Variants in SDR39U1 observed in about 807,000 individuals in gnomAD.
The protein encoded by SDR39U1 is epimerase family protein SDR39U1.
SDR39U1 carries 29 observed loss-of-function variants against 31.7 expected under a neutral mutation model. That is an observed-to-expected ratio of 0.92 (90% confidence interval 0.68 to 1.25). The LOEUF (loss-of-function observed/expected upper bound fraction) is 1.25. Ranked by LOEUF, SDR39U1 falls within the 50% of genes most tolerant of loss-of-function variation. The pLI, the probability that SDR39U1 is intolerant of heterozygous loss-of-function variation, is 0.00. For synonymous variants in SDR39U1, 147 were observed against 159.0 expected (o/e 0.92, Z 0.57); for missense variants, 403 against 378.4 (o/e 1.06, Z -0.54).
Position 24,440,299 on chromosome 14 carries a change from G to A in SDR39U1, c.666C>T (p.Ser222=), listed in dbSNP as rs768115773. Residue 222 remains serine, a synonymous_variant, in exon 6 of 6, where the codon TCC becomes TCT. Coordinates refer to ENST00000399395, the MANE Select transcript of SDR39U1 (RefSeq NM_020195.3). Reference sequence around the variant, plus strand: ...TCTGGGCAAACTCAGCATTAGTGGCGGAGGATGGAGCCACTCCATTCAGGA... The same window carrying A: ...TCTGGGCAAACTCAGCATTAGTGGCAGAGGATGGAGCCACTCCATTCAGGA... ...HGVLNGVAPS[S]ATNAEFAQTL... 1.3e-5 allele frequency: 21 copies of A among 1,613,948 alleles called. 1 individual carries two copies. The highest frequency in any genetic ancestry group is 5.5e-5 in the South Asian group (5 of 91,088).
At chr14:24,442,060 G>A (rs1355036593) in intron 3 of SDR39U1, 118 bp downstream of exon 3, 1 of 1,545,964 alleles carries the variant, frequency 6.5e-7, no homozygotes, top group Non-Finnish European at 8.7e-7. Context: ...GAGTAGTCTG[G>A]GATATCGGTT....
At chr14:24,441,060 T>C in intron 4 of SDR39U1, 134 bp from the exon 5 acceptor site, 1 of 1,012,044 alleles carries the variant, frequency 9.9e-7, no homozygotes, top group Non-Finnish European at 1.5e-6. Context: ...ATTTGGATAT[T>C]TTCCCCTTGA....
At chr14:24,441,329 T>C in intron 4 of SDR39U1, 1 of 449,152 alleles carries the variant, frequency 2.2e-6, no homozygotes, top group South Asian at 2.3e-5. Flanking sequence ...ATAATAAGCA[T>C]AAAACACTTC....
rs1239900873 is a variant in SDR39U1 at position 24,442,252 on chromosome 14, G to C, written c.132C>G (p.Leu44=). 2 of 1,609,678 alleles carry C rather than the reference G, an allele frequency of 1.2e-6. No individual in the cohort carries two copies. Among genetic ancestry groups the C allele is most frequent in the Non-Finnish European group, 1.7e-6 (2 of 1,178,346 alleles). The change falls in exon 3 of 6, where the codon CTC becomes CTG. Residue 44 remains leucine, a synonymous_variant. Transcript: ENST00000399395. ...PGPGRITWDE[L]AASGLPSCDA... is the part of the protein sequence containing the mutation. ...CGCAGCTCGGCAGCCCCGATGCAGC[G>C]AGCTCATCCTGTCGGAGAAAGCACA... is the stretch of plus-strand genomic sequence containing the variant.
In SDR39U1 at chr14:24,442,226, T is replaced by A. The variant is rs201052867; in HGVS notation, c.158A>T (p.Asp53Val). ...ELAASGLPSC[D>V]AAVNLAGENI... ...CTCTCCGGCCAGGTTGACGGCGGCA[T>A]CGCAGCTCGGCAGCCCCGATGCAGC... Residue 53 changes from aspartate (D) to valine (V), a missense_variant, in exon 3 of 6, where the codon GAT becomes GTT. Physicochemically the swap from Asp to Val is radical, Grantham distance 152. Coordinates refer to ENST00000399395, the MANE Select transcript of SDR39U1 (RefSeq NM_020195.3). 1.7e-4 allele frequency: 273 copies of A among 1,611,850 alleles called. No individual in the cohort carries two copies. Among genetic ancestry groups the A allele is most frequent in the Admixed American group, 2.0e-4 (12 of 59,800 alleles).
At chr14:24,441,028 C>A in intron 4 of SDR39U1, 102 bp from the exon 5 acceptor site, 2 of 1,280,738 alleles carry the variant, frequency 1.6e-6, no homozygotes, top group Non-Finnish European at 2.2e-6. Context: ...CCCTTAGGAT[C>A]TCCCCATTTG....
Position 24,439,930 on chromosome 14 carries a change from C to A in SDR39U1, c.*153G>T. On this transcript the variant is annotated 3_prime_UTR_variant, in exon 6 of 6. Transcript: ENST00000399395. ...ACCTGATGAGATTACGGCCTTGAGA[C>A]AATAAGGTGGAGCAACAGAACAATG... The A allele has an allele frequency of 1.6e-6, 1 of 634,832 alleles. No individual in the cohort carries two copies. The highest frequency in any genetic ancestry group is 2.7e-6 in the Non-Finnish European group (1 of 375,238). 39.3% of individuals were successfully genotyped at this position (634,832 alleles called of 1,614,324 possible). A position where few individuals can be genotyped will look rare whatever the true frequency, so the allele number is the denominator to read the frequency against.
intron 1 of SDR39U1, 37 bp downstream of exon 1, chr14:24,442,717 A>C (rs1458806194): frequency 6.2e-7 from 1 of 1,613,254 alleles, no homozygotes; most frequent in Non-Finnish European, 8.5e-7. Context: ...TCTCCGACTA[A>C]GCCCGCCCAG....
Position 24,439,830 on chromosome 14 carries a change from A to C in SDR39U1, c.*253T>G. 6 of 439,680 alleles carry C rather than the reference A, an allele frequency of 1.4e-5. No homozygotes were observed. Among genetic ancestry groups the C allele is most frequent in the Admixed American group, 4.0e-5 (1 of 25,288 alleles). The allele number at this position is 439,680 out of a possible 1,614,324, so 27.2% of individuals were successfully genotyped here. A position where few individuals can be genotyped will look rare whatever the true frequency, so the allele number is the denominator to read the frequency against. On this transcript the variant is annotated 3_prime_UTR_variant, in exon 6 of 6. Transcript: ENST00000399395. ...CATTCTCTACACAGCGTAAAGGAGA[A>C]GTGGGGCAGCTGCAGGACATGTAGA...
intron 2 of SDR39U1, 39 bp from the exon 3 acceptor site, chr14:24,442,299 C>T: frequency 6.3e-7 from 1 of 1,579,782 alleles, no homozygotes; most frequent in Non-Finnish European, 8.5e-7. Flanking sequence ...CCCCGCCCTG[C>T]GCCGCCCAAC....
rs748741882 is a variant in SDR39U1 at position 24,440,931 on chromosome 14, C to T, written c.329-5G>A. 3.7e-5 allele frequency: 59 copies of T among 1,613,844 alleles called. No homozygotes were observed. Among genetic ancestry groups the T allele is most frequent in the Middle Eastern group, 3.3e-4 (2 of 6,084 alleles). On this transcript the variant is annotated splice_polypyrimidine_tract_variant and splice_region_variant and intron_variant, in intron 4 of 5. Transcript: ENST00000399395. Reference sequence around the variant, plus strand: ...TCAGACTGGGCTGGTAGTAAGCTGCCGGTGGAACACAATCATTTGCCCTGG... The same window carrying T: ...TCAGACTGGGCTGGTAGTAAGCTGCTGGTGGAACACAATCATTTGCCCTGG...
Position 24,440,140 on chromosome 14 carries a change from A to G in SDR39U1, c.825T>C (p.Thr275=), listed in dbSNP as rs769866328. 1.9e-6 allele frequency: 3 copies of G among 1,613,306 alleles called. No individual in the cohort carries two copies. Among genetic ancestry groups the G allele is most frequent in the Non-Finnish European group, 2.5e-6 (3 of 1,179,432 alleles). Residue 275 remains threonine (T), a synonymous_variant, in exon 6 of 6, where the codon ACT becomes ACC. Coordinates refer to ENST00000399395, the MANE Select transcript of SDR39U1 (RefSeq NM_020195.3). ...GCTCTGGGAAGGAATACTGGTAGCC[A>G]GTGGCCAGTGTTCGCTGTGGGATCA... ...QKVIPQRTLA[T]GYQYSFPELG...
intron 1 of SDR39U1, 64 bp from the exon 2 acceptor site, chr14:24,442,516 C>A: frequency 6.9e-7 from 1 of 1,444,090 alleles, no homozygotes; most frequent in Non-Finnish European, 9.6e-7. Flanking sequence ...CTTCCGTCCC[C>A]GCTGTGGCAC....
At chr14:24,440,970 T>C (rs776584602) in intron 4 of SDR39U1, 44 bp from the exon 5 acceptor site, 1 of 1,612,180 alleles carries the variant, frequency 6.2e-7, no homozygotes, top group Non-Finnish European at 8.5e-7. Flanking sequence ...TCCTTGGTCC[T>C]GCCTGGCTCT....
At position 24,440,790 on chromosome 14, in the gene SDR39U1, C is replaced by A. The variant is rs1476631626; in HGVS notation, c.465G>T (p.Val155=). 1 of 1,613,756 alleles carries A rather than the reference C, an allele frequency of 6.2e-7. No individual in the cohort carries two copies. The highest frequency in any genetic ancestry group is 1.3e-5 in the African/African-American group (1 of 74,884). ...CCCAGGCCCGTTTCTCACCTGAGCG[C>A]ACCACCACCTGGCGTGTAGAATCTC... ...LPGDSTRQVV[V]RSGVVLGRGG... Residue 155 remains valine, a synonymous_variant, in exon 5 of 6, where the codon GTG becomes GTT. Coordinates refer to ENST00000399395, the MANE Select transcript of SDR39U1 (RefSeq NM_020195.3).
At chr14:24,442,628 C>T in intron 1 of SDR39U1, 126 bp downstream of exon 1, 1 of 1,331,838 alleles carries the variant, frequency 7.5e-7, no homozygotes, top group Admixed American at 1.7e-5. Flanking sequence ...GGAGATTCGG[C>T]TTCTCGGGCT....
rs1487399565 is a variant in SDR39U1, at chr14:24,441,740, A to G, written c.262T>C (p.Leu88=). The G allele has an allele frequency of 1.2e-6, 2 of 1,602,364 alleles. No homozygotes were observed. Among genetic ancestry groups the G allele is most frequent in the Non-Finnish European group, 1.7e-6 (2 of 1,176,716 alleles). The change falls in exon 4 of 6, where the codon TTG becomes CTG. Residue 88 remains leucine (L), a synonymous_variant. Coordinates refer to ENST00000399395, the MANE Select transcript of SDR39U1 (RefSeq NM_020195.3). ...VIGSRLETTQ[L]LAKAITKAPQ... is the part of the protein sequence containing the mutation. ...GCTTTGGTGATGGCTTTAGCCAGCAATTGGGTGGTCTCTAGGCGGCTGCCG... is the reference window on the plus strand; with the variant it reads ...GCTTTGGTGATGGCTTTAGCCAGCAGTTGGGTGGTCTCTAGGCGGCTGCCG...
At chr14:24,442,648 A>T (rs1474834490) in intron 1 of SDR39U1, 106 bp downstream of exon 1, 3 of 1,450,108 alleles carry the variant, frequency 2.1e-6, no homozygotes, top group Non-Finnish European at 2.9e-6. Flanking sequence ...TAGGAGGCCA[A>T]GGCCAGGTTG....
chr14:24,441,436 A>G, intron 4 of SDR39U1: 1 of 510,526 alleles, frequency 2.0e-6, no homozygotes, highest in South Asian at 2.9e-5. Context: ...GAAGTAAGGG[A>G]CTTTGGGATA....
Sources: allele counts gnomAD v4.1 joint callset, GRCh38; gene constraint gnomAD v4.1.1; transcripts MANE v1.5; gene names NCBI Gene and HGNC (gene_info 2026-07-23, HGNC 2026-07-21).